Variants in ZBTB20 observed in about 807,000 individuals in gnomAD.
The protein encoded by ZBTB20 is zinc finger and BTB domain-containing protein 20.
ZBTB20 carries 9 observed loss-of-function variants against 56.9 expected under a neutral mutation model. The ratio of observed to expected loss-of-function variants is 0.16; its 90% CI spans 0.10 to 0.28. The LOEUF (loss-of-function observed/expected upper bound fraction) is 0.28, where lower values mean the gene tolerates loss of function less well. Among genes scored for constraint, ZBTB20 ranks in the 10% least tolerant of loss-of-function variants. The pLI is 1.00. For missense variants in ZBTB20, 655 were observed against 1,003.0 expected, an observed-to-expected ratio of 0.65 and a Z score of 4.69; for synonymous variants, 417 against 420.7, an observed-to-expected ratio of 0.99 and a Z score of 0.11.
intron 1 of ZBTB20, among the ~76,000 whole-genome samples, chr3:115,086,390 C>T (rs1052123006): frequency 4.0e-5 from 6 of 151,740 alleles, no homozygotes; most frequent in Non-Finnish European, 8.8e-5. Context: ...TATTTTGTGT[C>T]AATTGGTGTG....
At chr3:114,529,496 T>C (rs1199075085) in intron 6 of ZBTB20, 2 of 152,194 alleles carry the variant, frequency 1.3e-5, no homozygotes, top group African/African-American at 2.4e-5. Flanking sequence ...TTTTACCACA[T>C]TTTCCACCTT....
chr3:114,921,091 A>G (rs1253429603), intron 3 of ZBTB20, among the ~76,000 whole-genome samples: 1 of 152,144 alleles, frequency 6.6e-6, no homozygotes, highest in East Asian at 1.9e-4. Context: ...TCAGTAATAA[A>G]AAATTCTCCC....
chr3:114,590,309 A>G (rs560087312), intron 6 of ZBTB20, among the ~76,000 whole-genome samples: 1 of 152,108 alleles, frequency 6.6e-6, no homozygotes, highest in East Asian at 1.9e-4. Context: ...TACAAAAATT[A>G]GCCAGTCATG....
chr3:114,378,541 C>A (rs1171807079), intron 10 of ZBTB20, among the ~76,000 whole-genome samples: 1 of 152,344 alleles, frequency 6.6e-6, no homozygotes, highest in East Asian at 1.9e-4. Flanking sequence ...TGATAAAGCA[C>A]AATAAGTGAA....
At chr3:114,539,708 T>A (rs1018744596) in intron 6 of ZBTB20, among the ~76,000 whole-genome samples, 1 of 152,068 alleles carries the variant, frequency 6.6e-6, no homozygotes, top group Non-Finnish European at 1.5e-5. Context: ...CATATTCTGT[T>A]TTTATCTCTT....
intron 1 of ZBTB20, among the ~76,000 whole-genome samples, chr3:115,098,955 C>T (rs934554610): frequency 1.3e-5 from 2 of 152,012 alleles, no homozygotes; most frequent in Non-Finnish European, 2.9e-5. Context: ...CTGTATATGC[C>T]GAAACATTTG....
At chr3:114,824,956 C>T (rs897364568) in intron 4 of ZBTB20, among the ~76,000 whole-genome samples, 14 of 151,816 alleles carry the variant, frequency 9.2e-5, no homozygotes, top group Non-Finnish European at 1.8e-4. Context: ...TAATTTGTGA[C>T]CAATGAGGTT....
chr3:114,689,601 G>A (rs944108812), intron 6 of ZBTB20, among the ~76,000 whole-genome samples: 10 of 152,028 alleles, frequency 6.6e-5, no homozygotes, highest in African/African-American at 1.2e-4. Context: ...AAAGGTGTAC[G>A]CGTACATACA....
intron 6 of ZBTB20, among the ~76,000 whole-genome samples, chr3:114,691,837 T>A (rs573321112): frequency 4.6e-5 from 7 of 152,192 alleles, no homozygotes; most frequent in African/African-American, 1.7e-4. Context: ...CTCCTATGTG[T>A]TTTTCTAAAT....
intron 6 of ZBTB20, among the ~76,000 whole-genome samples, chr3:114,536,777 G>C (rs909423274): frequency 6.6e-6 from 1 of 152,076 alleles, no homozygotes; most frequent in African/African-American, 2.4e-5. Flanking sequence ...GCATGGTACT[G>C]GTACCAAAAC....
At chr3:114,527,819 C>T (rs1456027018) in intron 6 of ZBTB20, among the ~76,000 whole-genome samples, 1 of 151,752 alleles carries the variant, frequency 6.6e-6, no homozygotes, top group Admixed American at 6.6e-5. Context: ...TAACTAAGGC[C>T]TATGATTAAA....
chr3:115,116,569 TAA>T (rs1170460980), intron 1 of ZBTB20, among the ~76,000 whole-genome samples: 4 of 152,038 alleles, frequency 2.6e-5, no homozygotes, highest in Admixed American at 2.6e-4. Flanking sequence ...AGATTGATAA[TAA>T]GAGATAACAT....
chr3:114,990,621 A>C (rs1230527966), intron 2 of ZBTB20, among the ~76,000 whole-genome samples: 4 of 152,134 alleles, frequency 2.6e-5, no homozygotes, highest in Non-Finnish European at 5.9e-5. Context: ...TGGCCTCATA[A>C]AATGAGTTAG....
intron 6 of ZBTB20, among the ~76,000 whole-genome samples, chr3:114,685,730 A>G (rs1315676969): frequency 6.6e-6 from 1 of 152,160 alleles, no homozygotes; most frequent in African/African-American, 2.4e-5. Context: ...CCAAGTTCCA[A>G]GTCTTGGATT....
At chr3:115,014,396 T>A (rs917043299) in intron 2 of ZBTB20, among the ~76,000 whole-genome samples, 3 of 151,694 alleles carry the variant, frequency 2.0e-5, no homozygotes, top group East Asian at 2.0e-4. Flanking sequence ...TTGTACATTT[T>A]AAAAAAACTA....
intron 5 of ZBTB20, among the ~76,000 whole-genome samples, chr3:114,750,396 C>T (rs2067468945): frequency 2.0e-5 from 3 of 152,106 alleles, no homozygotes; most frequent in African/African-American, 7.2e-5. Context: ...CAAAATCTGA[C>T]TCTAAAGCAA....
At chr3:115,013,642 A>G (rs973905540) in intron 2 of ZBTB20, among the ~76,000 whole-genome samples, 1 of 151,776 alleles carries the variant, frequency 6.6e-6, no homozygotes, top group Non-Finnish European at 1.5e-5. Flanking sequence ...TCTGAAAAAC[A>G]GAGGAGGAGG....
intron 6 of ZBTB20, among the ~76,000 whole-genome samples, chr3:114,606,054 C>G (rs138104627): frequency 9.2e-5 from 14 of 152,224 alleles, no homozygotes; most frequent in African/African-American, 3.4e-4. Context: ...ACGTTCCCAG[C>G]AGAGAACTGT....
rs116498926 is a variant in ZBTB20 at position 115,061,044 on chromosome 3, T to C, written c.-507+10175A>G. 4.1e-3 allele frequency among the ~76,000 whole-genome samples: 625 copies of C among 152,296 alleles called. 4 individuals are homozygous for C. The highest frequency in any genetic ancestry group is 0.014 in the African/African-American group (593 of 41,584). On this transcript the variant is annotated intron_variant, in intron 2 of 11. Coordinates refer to ENST00000675478, the MANE Select transcript of ZBTB20 (RefSeq NM_001348800.3). ...CAAATATGATCATTTCTGGAAGTTA[T>C]GATGTTCAGTCAAAGAAAGTTTAGA...
Sources: gnomAD v4.1 joint callset for allele counts (sites outside exome capture counted in the v4.1 genomes callset) on GRCh38, gnomAD v4.1.1 for gene constraint, MANE v1.5 for transcripts, NCBI Gene and HGNC (gene_info 2026-07-23, HGNC 2026-07-21) for gene names.